Variants in TMEM132D observed in about 807,000 individuals in gnomAD.
TMEM132D encodes mature OL transmembrane protein.
In TMEM132D, 21 loss-of-function variants were observed where a neutral mutation model predicts 62.3. The observed-to-expected ratio is 0.34, with a 90% CI of 0.24 to 0.49. The LOEUF (loss-of-function observed/expected upper bound fraction) is 0.49. TMEM132D is among the 20% of genes least tolerant of loss of function. The pLI is 0.99. For synonymous variants in TMEM132D, 621 were observed against 575.6 expected, an observed-to-expected ratio of 1.08 and a Z score of -1.13; for missense variants, 1,346 against 1,402.8, an observed-to-expected ratio of 0.96 and a Z score of 0.65.
At chr12:129,901,138 CCAGA>C (rs1480843815) in intron 1 of TMEM132D, among the ~76,000 whole-genome samples, 1 of 151,978 alleles carries the variant, frequency 6.6e-6, no homozygotes, top group Non-Finnish European at 1.5e-5. Context: ...TCAATCAGCC[CCAGA>C]CAAATGAGGC....
intron 1 of TMEM132D, among the ~76,000 whole-genome samples, chr12:129,778,696 C>T (rs1481688281): frequency 6.6e-6 from 1 of 152,154 alleles, no homozygotes; most frequent in Admixed American, 6.5e-5. Context: ...GAACTCTGAC[C>T]CCGGCATGGT....
chr12:129,591,798 G>C (rs901681989), intron 2 of TMEM132D, among the ~76,000 whole-genome samples: 1 of 151,886 alleles, frequency 6.6e-6, no homozygotes, highest in Non-Finnish European at 1.5e-5. Flanking sequence ...AAAACATGAA[G>C]AATTTTGAGT....
chr12:129,145,217 C>A (rs1876858617), intron 5 of TMEM132D, among the ~76,000 whole-genome samples: 1 of 152,096 alleles, frequency 6.6e-6, no homozygotes, highest in Non-Finnish European at 1.5e-5. Flanking sequence ...CTTTTCATTT[C>A]ATTGTGTTCT....
chr12:129,703,514 C>T (rs540832175), intron 1 of TMEM132D, among the ~76,000 whole-genome samples: 3 of 151,042 alleles, frequency 2.0e-5, no homozygotes, highest in Admixed American at 6.6e-5. Context: ...TTATGGTCCA[C>T]GATGCACAGA....
chr12:129,193,343 T>C (rs1292121414), intron 5 of TMEM132D, among the ~76,000 whole-genome samples: 1 of 152,116 alleles, frequency 6.6e-6, no homozygotes, highest in East Asian at 1.9e-4. Context: ...TGTTTTTTTT[T>C]TGTGGTCACA....
intron 3 of TMEM132D, among the ~76,000 whole-genome samples, chr12:129,473,909 C>A (rs1469906428): frequency 6.6e-6 from 1 of 152,148 alleles, no homozygotes; most frequent in East Asian, 1.9e-4. Flanking sequence ...CAAATTCATT[C>A]ATTAAATACA....
At chr12:129,300,876 G>A (rs759465049) in intron 4 of TMEM132D, among the ~76,000 whole-genome samples, 14 of 152,136 alleles carry the variant, frequency 9.2e-5, no homozygotes, top group Non-Finnish European at 1.6e-4. Flanking sequence ...CTCGTGACCC[G>A]TTCATTTCAT....
At chr12:129,088,000 T>C (rs867857051) in intron 5 of TMEM132D, among the ~76,000 whole-genome samples, 59 of 48,480 alleles carry the variant, frequency 1.2e-3, no homozygotes, top group South Asian at 1.7e-3. Context: ...ATGACCGGGG[T>C]GTCCTCCATG....
At chr12:129,881,703 C>A (rs1874603273) in intron 1 of TMEM132D, among the ~76,000 whole-genome samples, 1 of 151,730 alleles carries the variant, frequency 6.6e-6, no homozygotes, top group Non-Finnish European at 1.5e-5. Flanking sequence ...GTCTCAAAAA[C>A]TGATCTAATC....
chr12:129,234,707 A>G (rs576907028), intron 4 of TMEM132D, among the ~76,000 whole-genome samples: 1 of 152,352 alleles, frequency 6.6e-6, no homozygotes, highest in Admixed American at 6.5e-5. Context: ...CAGGATGCCA[A>G]TACTAATGAC....
chr12:129,257,390 T>C (rs1481658568), intron 4 of TMEM132D, among the ~76,000 whole-genome samples: 1 of 151,982 alleles, frequency 6.6e-6, no homozygotes, highest in African/African-American at 2.4e-5. Context: ...TTTGTATTTT[T>C]AGTAGAGATG....
chr12:129,746,104 G>T lies in TMEM132D; in HGVS notation c.80-45406C>A, dbSNP rs1339095390. Among the ~76,000 whole-genome samples the T allele has an allele frequency of 2.6e-5, 4 of 152,304 alleles. No homozygotes were observed. In the East Asian group the frequency reaches 7.7e-4, roughly 29 times the overall value. ...GATCAAAAGCCAATGAATCCACTTT[G>T]CAGGTAGAGAAGCAACACTTACAAA... On this transcript the variant is annotated intron_variant, in intron 1 of 8. Coordinates refer to ENST00000422113, the MANE Select transcript of TMEM132D (RefSeq NM_133448.3).
intron 3 of TMEM132D, among the ~76,000 whole-genome samples, chr12:129,386,738 A>C (rs970301737): frequency 2.8e-4 from 42 of 151,996 alleles, no homozygotes; most frequent in African/African-American, 9.2e-4. Flanking sequence ...CAACGCCACC[A>C]ATGCTAACAC....
At chr12:129,101,989 T>G (rs910618517) in intron 5 of TMEM132D, among the ~76,000 whole-genome samples, 18 of 141,540 alleles carry the variant, frequency 1.3e-4, no homozygotes, top group African/African-American at 5.4e-4. Flanking sequence ...CTGCTGTTTT[T>G]TTTTTTTTTT....
chr12:129,785,077 T>C (rs1464374773), intron 1 of TMEM132D, among the ~76,000 whole-genome samples: 1 of 152,230 alleles, frequency 6.6e-6, no homozygotes, highest in Non-Finnish European at 1.5e-5. Context: ...TGAGCTTTCA[T>C]ATTAAAATTC....
intron 5 of TMEM132D, among the ~76,000 whole-genome samples, chr12:129,163,440 G>A (rs903136580): frequency 2.0e-5 from 3 of 152,106 alleles, no homozygotes; most frequent in African/African-American, 4.8e-5. Context: ...TCTATGGGTC[G>A]AATCACCAGA....
intron 2 of TMEM132D, among the ~76,000 whole-genome samples, chr12:129,554,234 C>T (rs966507286): frequency 2.0e-5 from 3 of 152,202 alleles, no homozygotes; most frequent in Non-Finnish European, 4.4e-5. Flanking sequence ...TGCCCTTTCT[C>T]ATCTGGCTGG....
intron 4 of TMEM132D, among the ~76,000 whole-genome samples, chr12:129,249,573 T>A (rs1030986591): frequency 6.6e-6 from 1 of 152,166 alleles, no homozygotes; most frequent in Non-Finnish European, 1.5e-5. Context: ...CATTTAGTCA[T>A]TCGACAAATA....
intron 1 of TMEM132D, among the ~76,000 whole-genome samples, chr12:129,894,904 C>G (rs1875053394): frequency 6.6e-6 from 1 of 152,212 alleles, no homozygotes; most frequent in Admixed American, 6.5e-5. Context: ...GCAATATCCC[C>G]TTTGTCTCAC....
Sources: allele counts gnomAD v4.1 joint callset (sites outside exome capture counted in the v4.1 genomes callset), GRCh38; gene constraint gnomAD v4.1.1; transcripts MANE v1.5; gene names NCBI Gene and HGNC (gene_info 2026-07-23, HGNC 2026-07-21).